BPNT1: variants seen among roughly 807,000 people sequenced by gnomAD.
The protein encoded by BPNT1 is 3'(2'),5'-bisphosphate nucleotidase 1.
A neutral mutation model predicts 36.9 loss-of-function variants in BPNT1; 28 were observed. The observed-to-expected ratio is 0.76, with a 90% confidence interval of 0.56 to 1.04. BPNT1 has a LOEUF of 1.04. Ranked by LOEUF, BPNT1 falls within the 50% of genes least tolerant of loss-of-function variation. The probability of loss-of-function intolerance (pLI) is 0.00; values close to 1 mark genes in which losing one functional copy is unlikely to be tolerated. For synonymous variants in BPNT1, 119 were observed against 130.9 expected, an observed-to-expected ratio of 0.91 and a Z score of 0.62; for missense variants, 313 against 372.9, an observed-to-expected ratio of 0.84 and a Z score of 1.32.
intron 1 of BPNT1, among the ~76,000 whole-genome samples, chr1:220,087,765 A>G (rs1179466809): frequency 2.0e-5 from 3 of 152,202 alleles, no homozygotes; most frequent in Non-Finnish European, 2.9e-5. Flanking sequence ...GGCAACACCT[A>G]CAAAGAGAAA....
intron 7 of BPNT1, among the ~76,000 whole-genome samples, chr1:220,061,042 T>C (rs934956272): frequency 6.6e-5 from 10 of 152,244 alleles, no homozygotes. Flanking sequence ...GTGGCTGTCC[T>C]TAGATACAAT....
intron 1 of BPNT1, among the ~76,000 whole-genome samples, chr1:220,082,982 T>C (rs966477620): frequency 1.3e-5 from 2 of 152,068 alleles, no homozygotes; most frequent in Non-Finnish European, 2.9e-5. Context: ...CTCACGCCTG[T>C]AATCCCAGCA....
intron 5 of BPNT1, among the ~76,000 whole-genome samples, chr1:220,067,813 A>G (rs1017510914): frequency 6.6e-6 from 1 of 152,238 alleles, no homozygotes; most frequent in Non-Finnish European, 1.5e-5. Flanking sequence ...ACTATCAAGC[A>G]GCATTAGAAT....
chr1:220,062,150 T>A (rs928692776), intron 7 of BPNT1, among the ~76,000 whole-genome samples: 9 of 152,188 alleles, frequency 5.9e-5, no homozygotes, highest in East Asian at 1.9e-4. Flanking sequence ...TTCTTTTTTT[T>A]TTATTATTAT....
Position 220,059,672 on chromosome 1 carries a change from TA to T in BPNT1, c.778+13del. The T allele has an allele frequency of 6.4e-7, 1 of 1,567,640 alleles. No homozygotes were observed. Among genetic ancestry groups the T allele is most frequent in the Non-Finnish European group, 8.7e-7 (1 of 1,150,840 alleles). On this transcript the variant is annotated intron_variant, in intron 8 of 8. Transcript: ENST00000322067. ...TAGAAAAACTATGAATTTCCTCAAA[TA>T]AAACAGACTAACCTCCCACAGCATG...
chr1:220,084,273 A>G (rs1490683102), intron 1 of BPNT1, among the ~76,000 whole-genome samples: 2 of 151,866 alleles, frequency 1.3e-5, no homozygotes, highest in African/African-American at 4.8e-5. Flanking sequence ...TGGAGGTTGC[A>G]GTGAGCTGAG....
chr1:220,088,930 T>C (rs182544993), intron 1 of BPNT1, among the ~76,000 whole-genome samples: 176 of 149,940 alleles, frequency 1.2e-3, no homozygotes, highest in African/African-American at 4.0e-3. Flanking sequence ...AAACCCCGTC[T>C]CTACTAAAAA....
chr1:220,088,535 C>T (rs1170793052), intron 1 of BPNT1, among the ~76,000 whole-genome samples: 4 of 149,314 alleles, frequency 2.7e-5, no homozygotes, highest in Middle Eastern at 3.3e-3. Flanking sequence ...CACCCGTAAT[C>T]CTAGAACTTT....
At chr1:220,087,680 A>G (rs1296365387) in intron 1 of BPNT1, among the ~76,000 whole-genome samples, 3 of 152,206 alleles carry the variant, frequency 2.0e-5, no homozygotes, top group Admixed American at 2.0e-4. Flanking sequence ...TACCAGACAA[A>G]TGACTTAATT....
chr1:220,072,996 T>C, intron 3 of BPNT1, 39 bp from the exon 4 acceptor site: 2 of 1,499,102 alleles, frequency 1.3e-6, no homozygotes, highest in Non-Finnish European at 1.9e-6. Context: ...TGAAGCTGTT[T>C]AGTGTTTACA....
chr1:220,059,748 G>A lies in BPNT1; in HGVS notation c.716C>T (p.Ala239Val), dbSNP rs141045914. The A allele has an allele frequency of 2.0e-4, 325 of 1,611,064 alleles. No homozygotes were observed. The African/African-American group carries it at 3.8e-3, about 19-fold the overall frequency. The change falls in exon 8 of 9, where the codon GCA becomes GTA. Residue 239 changes from alanine (A) to valine (V), a missense_variant. Coordinates refer to ENST00000322067, the MANE Select transcript of BPNT1 (RefSeq NM_006085.6). ...ATCCCACTTCTTACAACCAGGACTT[G>A]CAAATACATAAGCAGAGGCTTTGCC... ...IEGKASAYVF[A>V]SPGCKKWDTC...
chr1:220,078,455 T>G (rs978109132), intron 2 of BPNT1, among the ~76,000 whole-genome samples: 1 of 130,104 alleles, frequency 7.7e-6, no homozygotes, highest in Admixed American at 9.1e-5. Context: ...TATACTTATA[T>G]ATAAATAATA....
chr1:220,058,137 C>CT lies in BPNT1; in HGVS notation c.*706dup. ...CTTGCAGTGAGCCGAGATCACGCCACTACATTCTAGCCTAGGCTACAGAGC... is the reference window on the plus strand; with the variant it reads ...CTTGCAGTGAGCCGAGATCACGCCACTTACATTCTAGCCTAGGCTACAGAGC... On this transcript the variant is annotated 3_prime_UTR_variant, in exon 9 of 9. Transcript: ENST00000322067. 1 of 971,786 alleles carries CT rather than the reference C, an allele frequency of 1.0e-6. No homozygotes were observed. Among genetic ancestry groups the CT allele is most frequent in the African/African-American group, 1.7e-5 (1 of 58,150 alleles). The allele number at this position is 971,786 out of a possible 1,614,324, so 60.2% of individuals were successfully genotyped here.
At chr1:220,087,275 AAG>A (rs1280851046) in intron 1 of BPNT1, among the ~76,000 whole-genome samples, 1 of 152,138 alleles carries the variant, frequency 6.6e-6, no homozygotes, top group Non-Finnish European at 1.5e-5. Context: ...CTATAAAACT[AAG>A]AGTTGCTGGG....
intron 4 of BPNT1, among the ~76,000 whole-genome samples, chr1:220,071,574 C>T (rs961038358): frequency 6.6e-6 from 1 of 152,142 alleles, no homozygotes; most frequent in African/African-American, 2.4e-5. Context: ...TTACACTTCC[C>T]AATTGCAAAA....
intron 2 of BPNT1, among the ~76,000 whole-genome samples, chr1:220,079,106 T>C (rs924106668): frequency 2.6e-5 from 4 of 152,154 alleles, no homozygotes; most frequent in Admixed American, 6.5e-5. Flanking sequence ...TTACCGAACA[T>C]GTTGAGTTCA....
intron 1 of BPNT1, among the ~76,000 whole-genome samples, chr1:220,084,224 CG>C (rs1655499787): frequency 6.6e-6 from 1 of 151,360 alleles, no homozygotes; most frequent in Admixed American, 6.6e-5. Context: ...CCCAGCTACT[CG>C]GGAGGCTGAG....
chr1:220,074,051 C>T lies in BPNT1; in HGVS notation c.141G>A (p.Gln47=), dbSNP rs1014129353. The T allele has an allele frequency of 5.0e-6, 8 of 1,613,892 alleles. No homozygotes were observed. Among genetic ancestry groups the T allele is most frequent in the South Asian group, 1.1e-5 (1 of 90,968 alleles). ...IVEKTCATDL[Q]TKADRLAQMS... ...TCTGTGCCAATCGGTCAGCTTTGGT[C>T]TGCAGGTCTGTTGCACAGGTCTGTA... is the stretch of plus-strand genomic sequence containing the variant. The change falls in exon 3 of 9, where the codon CAG becomes CAA. Residue 47 remains glutamine, a synonymous_variant. Transcript: ENST00000322067.
chr1:220,060,109 C>CT (rs1176373531), intron 7 of BPNT1, among the ~76,000 whole-genome samples: 2 of 151,996 alleles, frequency 1.3e-5, no homozygotes, highest in Non-Finnish European at 2.9e-5. Flanking sequence ...CGTTGTTTTT[C>CT]TTTTTTAGTG....
Sources: gnomAD v4.1 joint callset for allele counts (sites outside exome capture counted in the v4.1 genomes callset) on GRCh38, gnomAD v4.1.1 for gene constraint, MANE v1.5 for transcripts, NCBI Gene and HGNC (gene_info 2026-07-23, HGNC 2026-07-21) for gene names.